The following CDS1 variants were observed in gnomAD, a reference collection of about 807,000 sequenced individuals.
The protein encoded by CDS1 is CDP-diacylglycerol synthase 1, also known as phosphatidate cytidylyltransferase 1.
A neutral mutation model predicts 62.1 loss-of-function variants in CDS1; 41 were observed. The ratio of observed to expected loss-of-function variants is 0.66; its 90% CI spans 0.51 to 0.86. The LOEUF (loss-of-function observed/expected upper bound fraction) is 0.86, where lower values mean the gene tolerates loss of function less well. CDS1 is among the 40% of genes least tolerant of loss of function. The pLI is 0.00. For synonymous variants in CDS1, 185 were observed against 192.6 expected (o/e 0.96, Z 0.32); for missense variants, 470 against 550.1 (o/e 0.85, Z 1.46).
At chr4:84,609,643 A>C (rs17009168) in intron 3 of CDS1, 118 bp downstream of exon 3, 230,371 of 652,090 alleles carry the variant, frequency 0.35, 41,554 homozygotes, top group East Asian at 0.46. Context: ...GTCACAGAAT[A>C]TTTAGTTCCT....
At chr4:84,601,922 A>C (rs978120309) in intron 1 of CDS1, among the ~76,000 whole-genome samples, 1 of 140,970 alleles carries the variant, frequency 7.1e-6, no homozygotes, top group African/African-American at 2.6e-5. Context: ...CAAATAAATA[A>C]ATACATACAT....
intron 10 of CDS1, among the ~76,000 whole-genome samples, chr4:84,642,380 G>T (rs1475303399): frequency 6.6e-6 from 1 of 151,656 alleles, no homozygotes; most frequent in Non-Finnish European, 1.5e-5. Context: ...ACCAAAATGG[G>T]TGCATTTTGC....
intron 7 of CDS1, 28 bp from the exon 8 acceptor site, chr4:84,635,236 T>C: frequency 8.0e-7 from 1 of 1,247,862 alleles, no homozygotes; most frequent in South Asian, 1.3e-5. Flanking sequence ...TTTTTTCTGC[T>C]GACTTTTTTT....
intron 1 of CDS1, among the ~76,000 whole-genome samples, chr4:84,599,715 A>G (rs969473850): frequency 1.1e-4 from 17 of 152,030 alleles, no homozygotes; most frequent in Non-Finnish European, 2.4e-4. Flanking sequence ...CCATGTATCA[A>G]TTGTTCACTT....
chr4:84,643,573 C>T (rs1304489485), intron 11 of CDS1, among the ~76,000 whole-genome samples: 3 of 152,204 alleles, frequency 2.0e-5, no homozygotes, highest in African/African-American at 7.2e-5. Flanking sequence ...CTGTAAAGGG[C>T]AAACAATACA....
In CDS1 at chr4:84,619,455, A is replaced by G. The variant is rs1370087133; in HGVS notation, c.502A>G (p.Thr168Ala). The G allele has an allele frequency of 1.3e-6, 2 of 1,591,608 alleles. No individual in the cohort carries two copies. Among genetic ancestry groups the G allele is most frequent in the Admixed American group, 1.7e-5 (1 of 59,620 alleles). ...YGETVADYFA[T>A]FVQREEQLQF... is the part of the protein sequence containing the mutation. ...AGAGACTGTAGCTGATTATTTTGCT[A>G]CATTTGTTCAAAGAGAAGAACAACT... Residue 168 changes from threonine (T) to alanine (A), a missense_variant, in exon 5 of 13, where the codon ACA (threonine) becomes GCA (alanine). Physicochemically the swap from Thr to Ala is moderately conservative, Grantham distance 58. Around this residue, in one of 5 missense-constraint regions of CDS1, gnomAD observed 214 missense variants for 242.4 expected, o/e 0.88. Coordinates refer to ENST00000295887, the MANE Select transcript of CDS1 (RefSeq NM_001263.4).
chr4:84,629,077 G>C (rs915652663), intron 5 of CDS1, among the ~76,000 whole-genome samples: 2 of 152,008 alleles, frequency 1.3e-5, no homozygotes, highest in African/African-American at 4.8e-5. Context: ...TTTTAATTTA[G>C]AAATAGTTAT....
At chr4:84,647,603 A>G (rs577372637) in intron 12 of CDS1, among the ~76,000 whole-genome samples, 1 of 152,290 alleles carries the variant, frequency 6.6e-6, no homozygotes, top group South Asian at 2.1e-4. Flanking sequence ...CTTTTAAAGA[A>G]ATGAAATAAG....
chr4:84,631,986 G>C, intron 6 of CDS1, 109 bp downstream of exon 6: 1 of 658,792 alleles, frequency 1.5e-6, no homozygotes, highest in Non-Finnish European at 2.7e-6. Context: ...TGTTTTGCAT[G>C]AATGTGAGGG....
At position 84,617,913 on chromosome 4, in the gene CDS1, CT is replaced by C. The variant is rs533037273; in HGVS notation, c.440+259del. Among the ~76,000 whole-genome samples the C allele has an allele frequency of 1.3e-4, 19 of 151,922 alleles. No individual in the cohort carries two copies. The South Asian group carries it at 2.5e-3, about 20-fold the overall frequency. ...TGTGAATATATACACCATTCTTGTC[CT>C]TTTTTTAATAAAAAACTAAACATTG... is the stretch of plus-strand genomic sequence containing the variant. On this transcript the variant is annotated intron_variant, in intron 4 of 12. Transcript: ENST00000295887.
intron 3 of CDS1, among the ~76,000 whole-genome samples, chr4:84,611,126 AGAG>A (rs1387286758): frequency 2.0e-5 from 3 of 152,226 alleles, no homozygotes; most frequent in Non-Finnish European, 4.4e-5. Context: ...CATCACAGGC[AGAG>A]GATTTCTGTG....
At position 84,632,866 on chromosome 4, in the gene CDS1, G is replaced by A. The variant is rs758374504; in HGVS notation, c.639+989G>A. 2.9e-4 allele frequency among the ~76,000 whole-genome samples: 44 copies of A among 152,244 alleles called. 1 individual carries two copies. The highest frequency in any genetic ancestry group is 5.9e-4 in the Non-Finnish European group (40 of 68,042). ...GGCCAAGCGCCGATGGCTCATGCCT[G>A]TAATCGCAACACTTTGGGAGGCCAA... is the stretch of plus-strand genomic sequence containing the variant. On this transcript the variant is annotated intron_variant, in intron 6 of 12. Coordinates refer to ENST00000295887, the MANE Select transcript of CDS1 (RefSeq NM_001263.4).
chr4:84,592,154 ATTTTTTT>A (rs72236126), intron 1 of CDS1, among the ~76,000 whole-genome samples: 9 of 86,044 alleles, frequency 1.0e-4, no homozygotes, highest in East Asian at 8.0e-4. Flanking sequence ...TTAATGACCA[ATTTTTTT>A]TTTTTTTTTT....
At chr4:84,585,640 TATA>T (rs1722389739) in intron 1 of CDS1, among the ~76,000 whole-genome samples, 1 of 152,224 alleles carries the variant, frequency 6.6e-6, no homozygotes, top group African/African-American at 2.4e-5. Context: ...ATTCTGCTAT[TATA>T]ATACACTCCC....
chr4:84,646,460 G>GT (rs1285369345), intron 12 of CDS1, among the ~76,000 whole-genome samples: 3 of 151,890 alleles, frequency 2.0e-5, no homozygotes, highest in Admixed American at 6.6e-5. Flanking sequence ...AGACTATTAA[G>GT]TATCACTTTA....
rs551875818 is a variant in CDS1 at position 84,650,606 on chromosome 4, G to A, written c.*1920G>A. 23 of 152,160 alleles carry A rather than the reference G, an allele frequency of 1.5e-4. No individual in the cohort carries two copies. Among genetic ancestry groups the A allele is most frequent in the African/African-American group, 4.8e-4 (20 of 41,508 alleles). 9.4% of individuals were successfully genotyped at this position (152,160 alleles called of 1,614,324 possible). A position where few individuals can be genotyped will look rare whatever the true frequency, so the allele number is the denominator to read the frequency against. Reference sequence around the variant, plus strand: ...CCCACATTTGTATTTAAAATAATTGGTGAGGCATTGAAATCCAGAATTATA... The same window carrying A: ...CCCACATTTGTATTTAAAATAATTGATGAGGCATTGAAATCCAGAATTATA... On this transcript the variant is annotated 3_prime_UTR_variant, in exon 13 of 13. Coordinates refer to ENST00000295887, the MANE Select transcript of CDS1 (RefSeq NM_001263.4).
chr4:84,584,560 G>A (rs1261148147), intron 1 of CDS1, among the ~76,000 whole-genome samples: 2 of 152,232 alleles, frequency 1.3e-5, no homozygotes, highest in Admixed American at 6.5e-5. Context: ...TCTGGTTTAT[G>A]TGGTTGCTGA....
At chr4:84,621,158 A>C (rs988308849) in intron 5 of CDS1, among the ~76,000 whole-genome samples, 2 of 152,166 alleles carry the variant, frequency 1.3e-5, no homozygotes, top group African/African-American at 4.8e-5. Context: ...GCACTACTTA[A>C]ATTTTTTTTA....
intron 5 of CDS1, among the ~76,000 whole-genome samples, chr4:84,626,615 A>C (rs1332038798): frequency 6.6e-6 from 1 of 152,190 alleles, no homozygotes; most frequent in Non-Finnish European, 1.5e-5. Flanking sequence ...ATGCAACCTC[A>C]TAGTAAGCTA....
Sources: gnomAD v4.1 joint callset for allele counts (sites outside exome capture counted in the v4.1 genomes callset) on GRCh38, gnomAD v4.1.1 for gene constraint, gnomAD v4.1.1 regional missense constraint, MANE v1.5 for transcripts, NCBI Gene and HGNC (gene_info 2026-07-23, HGNC 2026-07-21) for gene names.